Variants in CDIN1 observed in about 807,000 individuals in gnomAD.
CDIN1 encodes the protein CDAN1-interacting nuclease 1.
CDIN1 carries 33 observed loss-of-function variants against 45.3 expected under a neutral mutation model. The observed-to-expected ratio is 0.73, with a 90% CI of 0.55 to 0.97. The LOEUF (loss-of-function observed/expected upper bound fraction) is 0.97. Among genes scored for constraint, CDIN1 ranks in the 50% least tolerant of loss-of-function variants. CDIN1 has a pLI of 0.00. For synonymous variants in CDIN1, 118 were observed against 124.4 expected, an observed-to-expected ratio of 0.95 and a Z score of 0.34; for missense variants, 303 against 339.4, an observed-to-expected ratio of 0.89 and a Z score of 0.84.
In CDIN1 at chr15:36,654,104, G is replaced by A. The variant is rs1401419335; in HGVS notation, c.219G>A (p.Leu73=). 1 of 1,577,816 alleles carries A rather than the reference G, an allele frequency of 6.3e-7. No individual in the cohort carries two copies. The highest frequency in any genetic ancestry group is 8.6e-7 in the Non-Finnish European group (1 of 1,159,486). Residue 73 remains leucine, a synonymous_variant, in exon 4 of 11, where the codon CTG becomes CTA. Coordinates refer to ENST00000566621, the MANE Select transcript of CDIN1 (RefSeq NM_001321759.2). ...TTGGCTTTGTCTTGTCTAGGTACCTGAATGGAGTGGTGAAAAATGGAGCTG... is the reference window on the plus strand; with the variant it reads ...TTGGCTTTGTCTTGTCTAGGTACCTAAATGGAGTGGTGAAAAATGGAGCTG... ...EAIESYYQRY[L]NGVVKNGAAP... is the part of the protein sequence containing the mutation.
chr15:36,658,819 T>G (rs2040879443), intron 5 of CDIN1, among the ~76,000 whole-genome samples: 1 of 152,208 alleles, frequency 6.6e-6, no homozygotes, highest in African/African-American at 2.4e-5. Context: ...ATTTTTTCCC[T>G]TTGATTTTCT....
chr15:36,627,969 G>T (rs1323525630), intron 1 of CDIN1, among the ~76,000 whole-genome samples: 2 of 150,416 alleles, frequency 1.3e-5, no homozygotes, highest in Admixed American at 1.3e-4. Flanking sequence ...TTAGTACCAG[G>T]TCAGCATGGG....
chr15:36,734,834 C>A (rs985876453), intron 10 of CDIN1, among the ~76,000 whole-genome samples: 12 of 152,152 alleles, frequency 7.9e-5, no homozygotes, highest in Middle Eastern at 3.4e-3. Context: ...ATTCACTGTT[C>A]AATGTAAATA....
At chr15:36,597,117 A>C (rs2037872344) in intron 1 of CDIN1, among the ~76,000 whole-genome samples, 1 of 152,172 alleles carries the variant, frequency 6.6e-6, no homozygotes, top group African/African-American at 2.4e-5. Flanking sequence ...AATAAAATAA[A>C]ATGTATGTGC....
intron 1 of CDIN1, chr15:36,617,397 A>C: frequency 6.6e-7 from 1 of 1,511,078 alleles, no homozygotes; most frequent in South Asian, 1.1e-5. Context: ...GTTACCAAAT[A>C]TATGATGTTT....
At chr15:36,688,334 G>T (rs765539079) in intron 5 of CDIN1, among the ~76,000 whole-genome samples, 1 of 152,092 alleles carries the variant, frequency 6.6e-6, no homozygotes, top group African/African-American at 2.4e-5. Flanking sequence ...GGTCAGGGTG[G>T]TGAGTGCACA....
At chr15:36,736,043 A>C (rs1019043007) in intron 10 of CDIN1, among the ~76,000 whole-genome samples, 1 of 152,188 alleles carries the variant, frequency 6.6e-6, no homozygotes, top group African/African-American at 2.4e-5. Flanking sequence ...TAGTTCATTT[A>C]ACTTTTCTAA....
At chr15:36,773,768 G>A (rs1041151506) in intron 10 of CDIN1, among the ~76,000 whole-genome samples, 27 of 152,312 alleles carry the variant, frequency 1.8e-4, no homozygotes, top group African/African-American at 6.0e-4. Flanking sequence ...TGGGAAAGTG[G>A]TAGGAAGTGA....
intron 10 of CDIN1, among the ~76,000 whole-genome samples, chr15:36,779,709 C>T (rs1310632272): frequency 6.6e-6 from 1 of 152,196 alleles, no homozygotes; most frequent in African/African-American, 2.4e-5. Context: ...AGCACCTGCA[C>T]TTATTAGCTG....
At chr15:36,634,437 C>A (rs1213349515) in intron 1 of CDIN1, among the ~76,000 whole-genome samples, 1 of 152,072 alleles carries the variant, frequency 6.6e-6, no homozygotes, top group East Asian at 1.9e-4. Context: ...ACAACAACAA[C>A]AAAAAGTTTT....
At chr15:36,617,802 A>G in intron 1 of CDIN1, 2 of 805,492 alleles carry the variant, frequency 2.5e-6, no homozygotes, top group Middle Eastern at 2.4e-4. Context: ...AGCAGCTGGT[A>G]TATCACTTTC....
intron 5 of CDIN1, among the ~76,000 whole-genome samples, chr15:36,661,329 A>G (rs1271719871): frequency 1.3e-5 from 2 of 152,002 alleles, no homozygotes; most frequent in Non-Finnish European, 2.9e-5. Flanking sequence ...ATTGAACCCT[A>G]CCCCACTCAG....
chr15:36,632,243 T>C (rs1028199671), intron 1 of CDIN1, among the ~76,000 whole-genome samples: 10 of 152,248 alleles, frequency 6.6e-5, no homozygotes, highest in Non-Finnish European at 1.5e-4. Context: ...TACATCTTTG[T>C]AGCCTCAAAA....
chr15:36,630,708 A>G (rs906026621), intron 1 of CDIN1, among the ~76,000 whole-genome samples: 2 of 152,226 alleles, frequency 1.3e-5, no homozygotes, highest in African/African-American at 2.4e-5. Context: ...TACAAGCTGT[A>G]CAAGAAGCAG....
intron 10 of CDIN1, among the ~76,000 whole-genome samples, chr15:36,778,605 A>G (rs531314391): frequency 6.6e-6 from 1 of 152,280 alleles, no homozygotes; most frequent in African/African-American, 2.4e-5. Flanking sequence ...GTATGTATTT[A>G]TCTTGGCATA....
At chr15:36,738,785 T>C (rs1179067519) in intron 10 of CDIN1, among the ~76,000 whole-genome samples, 1 of 152,196 alleles carries the variant, frequency 6.6e-6, no homozygotes, top group African/African-American at 2.4e-5. Context: ...TGATCTATAA[T>C]ATCCCTCTGT....
At chr15:36,645,494 T>TTGTGTGTGTG (rs57349735) in intron 3 of CDIN1, among the ~76,000 whole-genome samples, 9 of 143,472 alleles carry the variant, frequency 6.3e-5, no homozygotes, top group South Asian at 2.3e-4. Context: ...CTGTCTTGAC[T>TTGTGTGTGTG]TGTGTGTGTG....
chr15:36,618,847 T>C, intron 1 of CDIN1: 1 of 864,388 alleles, frequency 1.2e-6, no homozygotes, highest in Non-Finnish European at 2.0e-6. Context: ...CAGTTTCTCC[T>C]CCAAGTACTA....
intron 10 of CDIN1, among the ~76,000 whole-genome samples, chr15:36,787,332 A>G (rs2054517379): frequency 6.6e-6 from 1 of 152,312 alleles, no homozygotes; most frequent in South Asian, 2.1e-4. Context: ...AGCCACCTCC[A>G]TCACTACCAT....
Sources: gnomAD v4.1 joint callset for allele counts (sites outside exome capture counted in the v4.1 genomes callset) on GRCh38, gnomAD v4.1.1 for gene constraint, MANE v1.5 for transcripts, NCBI Gene and HGNC (gene_info 2026-07-23, HGNC 2026-07-21) for gene names.